Variants in CUBN observed in about 807,000 individuals in gnomAD.
CUBN encodes the protein 460 kDa receptor.
A neutral mutation model predicts 405.3 loss-of-function variants in CUBN; 282 were observed. The ratio of observed to expected loss-of-function variants is 0.70; its 90% CI spans 0.63 to 0.77. The LOEUF (loss-of-function observed/expected upper bound fraction) is 0.77, where lower values mean the gene tolerates loss of function less well. CUBN is among the 30% of genes least tolerant of loss of function. CUBN has a pLI of 0.00. For synonymous variants in CUBN, 1,684 were observed against 1,617.0 expected (o/e 1.04, Z -0.99); for missense variants, 4,514 against 4,475.2 (o/e 1.01, Z -0.25).
chr10:16,913,509 G>A (rs1841792022), intron 48 of CUBN, among the ~76,000 whole-genome samples: 1 of 152,160 alleles, frequency 6.6e-6, no homozygotes, highest in Admixed American at 6.5e-5. Flanking sequence ...TCAGCTGTGT[G>A]CTGCTGTAGG....
chr10:17,060,441 A>C lies in CUBN; in HGVS notation c.3139+5067T>G, dbSNP rs115705681. 8.2e-3 allele frequency among the ~76,000 whole-genome samples: 1,250 copies of C among 152,256 alleles called. 13 individuals are homozygous for C. The highest frequency in any genetic ancestry group is 0.027 in the African/African-American group (1,109 of 41,560). ...TGGCCACAATCCCTGGTTTTTCTACACAGGAAATGTCAATTTAAGGATGAA... is the reference window on the plus strand; with the variant it reads ...TGGCCACAATCCCTGGTTTTTCTACCCAGGAAATGTCAATTTAAGGATGAA... On this transcript the variant is annotated intron_variant, in intron 22 of 66. Coordinates refer to ENST00000377833, the MANE Select transcript of CUBN (RefSeq NM_001081.4).
rs564594778 is a variant in CUBN at position 16,829,139 on chromosome 10, ACT to A, written c.10529-101_10529-100del. On this transcript the variant is annotated intron_variant, in intron 65 of 66. Coordinates refer to ENST00000377833, the MANE Select transcript of CUBN (RefSeq NM_001081.4). ...GACTTTATTTTCTTAAGGTGCTGAG[ACT>A]CTGCAAGAATAATGGAGGCAGAAAT... The A allele has an allele frequency of 1.2e-3, 1,020 of 841,946 alleles. 12 individuals are homozygous for A. In the African/African-American group the frequency reaches 0.016, roughly 13 times the overall value. The allele number at this position is 841,946 out of a possible 1,614,324, so 52.2% of individuals were successfully genotyped here.
Position 16,888,349 on chromosome 10 carries a change from T to C in CUBN, c.8905+68A>G, listed in dbSNP as rs377127546. 2.4e-6 allele frequency: 3 copies of C among 1,260,086 alleles called. No individual in the cohort carries two copies. The South Asian group carries it at 3.7e-5, about 16-fold the overall frequency. The allele number at this position is 1,260,086 out of a possible 1,614,324, so 78.1% of individuals were successfully genotyped here. On this transcript the variant is annotated intron_variant, in intron 56 of 66. Transcript: ENST00000377833. ...CAACATGTACATATGTCAAAACATGTTGTACACCATAAATATACAATTTTT... is the reference window on the plus strand; with the variant it reads ...CAACATGTACATATGTCAAAACATGCTGTACACCATAAATATACAATTTTT...
At chr10:17,054,407 T>C (rs1344585581) in intron 22 of CUBN, among the ~76,000 whole-genome samples, 1 of 151,634 alleles carries the variant, frequency 6.6e-6, no homozygotes, top group African/African-American at 2.4e-5. Context: ...TATCTGTAGT[T>C]AATTTTTATC....
At chr10:16,848,387 GA>G (rs1286929295) in intron 60 of CUBN, among the ~76,000 whole-genome samples, 1 of 152,034 alleles carries the variant, frequency 6.6e-6, no homozygotes, top group African/African-American at 2.4e-5. Context: ...CTCCAACGGG[GA>G]AAAAAAGGGA....
chr10:16,994,606 G>A (rs1483309996), intron 28 of CUBN, among the ~76,000 whole-genome samples: 1 of 152,146 alleles, frequency 6.6e-6, no homozygotes, highest in Non-Finnish European at 1.5e-5. Flanking sequence ...ATACCCATCA[G>A]GAAATAACAC....
At chr10:16,924,284 T>C (rs1418252240) in intron 43 of CUBN, among the ~76,000 whole-genome samples, 1 of 152,114 alleles carries the variant, frequency 6.6e-6, no homozygotes, top group African/African-American at 2.4e-5. Context: ...TAGAAAGCAA[T>C]GGCGCGGGTG....
At chr10:17,025,910 C>T (rs889638942) in intron 27 of CUBN, among the ~76,000 whole-genome samples, 27 of 152,078 alleles carry the variant, frequency 1.8e-4, no homozygotes, top group African/African-American at 6.5e-4. Flanking sequence ...GAGGACAGAT[C>T]ATGCAGGGGA....
chr10:16,885,380 C>A (rs577356389), intron 56 of CUBN, among the ~76,000 whole-genome samples: 2 of 152,184 alleles, frequency 1.3e-5, no homozygotes, highest in Non-Finnish European at 1.5e-5. Flanking sequence ...AATCCATTAG[C>A]GGAAGCAGAA....
At chr10:16,949,465 A>G (rs58055671) in intron 34 of CUBN, among the ~76,000 whole-genome samples, 1 of 64,686 alleles carries the variant, frequency 1.5e-5, no homozygotes, top group South Asian at 5.3e-4. Context: ...GTGTGTGTGT[A>G]GTGTGTGTGT....
rs149009660 is a variant in CUBN, at chr10:17,078,208, C to T, written c.2301+6063G>A. The stretch of plus-strand genomic sequence containing the variant: ...AGAATATAACCCAGGCTCTTTATCT[C>T]GGTCTACAAGACCCTTCAGGGTCTA... On this transcript the variant is annotated intron_variant, in intron 17 of 66. Coordinates refer to ENST00000377833, the MANE Select transcript of CUBN (RefSeq NM_001081.4). 2.0e-3 allele frequency among the ~76,000 whole-genome samples: 302 copies of T among 152,266 alleles called. 5 individuals are homozygous for T. Among genetic ancestry groups the T allele is most frequent in the African/African-American group, 6.9e-3 (285 of 41,556 alleles).
intron 32 of CUBN, among the ~76,000 whole-genome samples, chr10:16,953,977 T>G (rs999633167): frequency 6.6e-6 from 1 of 151,954 alleles, no homozygotes; most frequent in Non-Finnish European, 1.5e-5. Context: ...GACTCCTCAG[T>G]TGGACAATGG....
intron 60 of CUBN, among the ~76,000 whole-genome samples, chr10:16,850,059 C>G (rs1304171818): frequency 6.6e-6 from 1 of 152,244 alleles, no homozygotes; most frequent in Non-Finnish European, 1.5e-5. Context: ...ATTCCTATGC[C>G]TTTTTGAAAA....
intron 31 of CUBN, among the ~76,000 whole-genome samples, chr10:16,958,441 G>A (rs1050414034): frequency 6.6e-6 from 1 of 152,108 alleles, no homozygotes; most frequent in African/African-American, 2.4e-5. Flanking sequence ...CATGAGATTT[G>A]CTTCAACCCA....
chr10:17,126,353 C>T (rs182795064), intron 4 of CUBN, among the ~76,000 whole-genome samples: 3 of 152,202 alleles, frequency 2.0e-5, no homozygotes, highest in African/African-American at 7.2e-5. Context: ...AAAATTCGGA[C>T]TATTTTGTGA....
intron 65 of CUBN, among the ~76,000 whole-genome samples, chr10:16,829,327 G>T (rs1347489087): frequency 7.3e-6 from 1 of 136,726 alleles, no homozygotes; most frequent in Non-Finnish European, 1.5e-5. Flanking sequence ...AAAATTGGGG[G>T]TTGAGAGCAG....
chr10:17,127,774 T>C (rs1837232951), intron 3 of CUBN, 55 bp downstream of exon 3: 4 of 1,321,652 alleles, frequency 3.0e-6, no homozygotes, highest in Non-Finnish European at 2.2e-6. Flanking sequence ...CGGTTACTTA[T>C]ACAATAGAAC....
intron 51 of CUBN, among the ~76,000 whole-genome samples, chr10:16,901,753 C>A (rs558313616): frequency 3.3e-5 from 5 of 151,256 alleles, no homozygotes; most frequent in Admixed American, 3.3e-4. Context: ...ATTCAGGAGG[C>A]TGAGGCAGGA....
At chr10:16,828,247 A>G (rs11254231) in intron 66 of CUBN, among the ~76,000 whole-genome samples, 27,939 of 152,082 alleles carry the variant, frequency 0.18, 2,733 homozygotes, top group African/African-American at 0.24. Flanking sequence ...CTGGAAGTCT[A>G]ATGTAAGTAA....
Sources: gnomAD v4.1 joint callset for allele counts (sites outside exome capture counted in the v4.1 genomes callset) on GRCh38, gnomAD v4.1.1 for gene constraint, MANE v1.5 for transcripts, NCBI Gene and HGNC (gene_info 2026-07-23, HGNC 2026-07-21) for gene names.